The following NCKAP5 variants were observed in gnomAD, a reference collection of about 807,000 sequenced individuals.
The protein encoded by NCKAP5 is nck-associated protein 5.
In NCKAP5, 92 loss-of-function variants were observed where a neutral mutation model predicts 167.0. That is an observed-to-expected ratio of 0.55 (90% CI 0.47 to 0.66). NCKAP5 has a LOEUF of 0.66. Ranked by LOEUF, NCKAP5 falls within the 30% of genes least tolerant of loss-of-function variation. The pLI is 0.00. For synonymous variants in NCKAP5, 891 were observed against 877.4 expected, an observed-to-expected ratio of 1.02 and a Z score of -0.27; for missense variants, 2,378 against 2,315.0, an observed-to-expected ratio of 1.03 and a Z score of -0.56.
chr2:132,793,296 C>T (rs1361642946), intron 12 of NCKAP5, among the ~76,000 whole-genome samples: 4 of 152,166 alleles, frequency 2.6e-5, no homozygotes, highest in African/African-American at 9.7e-5. Context: ...GTGTGAGCCA[C>T]CGTGCCCAGC....
intron 3 of NCKAP5, among the ~76,000 whole-genome samples, chr2:133,343,606 A>G (rs1450010044): frequency 6.6e-6 from 1 of 152,198 alleles, no homozygotes; most frequent in East Asian, 1.9e-4. Context: ...GCATCCATCC[A>G]TCCATTCAAC....
the NCKAP5 span, among the ~76,000 whole-genome samples, chr2:133,633,471 A>G: frequency 6.6e-6 from 1 of 152,206 alleles, no homozygotes; most frequent in African/African-American, 2.4e-5. Context: ...CGGAAGAGTC[A>G]AGAATGCCAG....
intron 3 of NCKAP5, among the ~76,000 whole-genome samples, chr2:133,467,271 G>T (rs1325644707): frequency 4.0e-5 from 6 of 150,932 alleles, no homozygotes; most frequent in Non-Finnish European, 3.0e-5. Flanking sequence ...AGATAATCAT[G>T]TGGTTTTTGT....
chr2:132,971,615 G>A (rs1321080473), intron 7 of NCKAP5, among the ~76,000 whole-genome samples: 2 of 152,170 alleles, frequency 1.3e-5, no homozygotes. Flanking sequence ...TAGGCTATGC[G>A]GGAGTTGAAG....
intron 9 of NCKAP5, among the ~76,000 whole-genome samples, chr2:132,870,169 T>C (rs1690693617): frequency 6.6e-6 from 1 of 152,166 alleles, no homozygotes; most frequent in Admixed American, 6.5e-5. Context: ...ACCTGGCATT[T>C]TCTCCAGGTA....
At chr2:132,824,840 T>G (rs998568327) in intron 11 of NCKAP5, among the ~76,000 whole-genome samples, 7 of 152,134 alleles carry the variant, frequency 4.6e-5, no homozygotes, top group Non-Finnish European at 1.0e-4. Context: ...GTCTCCTGAG[T>G]GTTTAACATG....
chr2:133,417,838 C>T (rs184439983), intron 3 of NCKAP5, among the ~76,000 whole-genome samples: 4 of 152,060 alleles, frequency 2.6e-5, no homozygotes, highest in Admixed American at 6.6e-5. Flanking sequence ...ACCAGCTGTC[C>T]GACATTTTGA....
At chr2:133,418,106 G>C (rs1689236524) in intron 3 of NCKAP5, among the ~76,000 whole-genome samples, 1 of 152,180 alleles carries the variant, frequency 6.6e-6, no homozygotes, top group South Asian at 2.1e-4. Context: ...TATGATTTAA[G>C]CCTTTGCAAA....
chr2:132,880,317 C>T (rs1054543468), intron 8 of NCKAP5, among the ~76,000 whole-genome samples: 1 of 152,088 alleles, frequency 6.6e-6, no homozygotes, highest in African/African-American at 2.4e-5. Flanking sequence ...GAAGAGAGAA[C>T]ATGAAGTGTT....
the NCKAP5 span, among the ~76,000 whole-genome samples, chr2:133,655,519 C>T: frequency 6.6e-6 from 1 of 152,130 alleles, no homozygotes; most frequent in Non-Finnish European, 1.5e-5. Context: ...CACTGAGATC[C>T]AGTACAGGTC....
chr2:132,867,377 A>G (rs1273916164), intron 10 of NCKAP5, among the ~76,000 whole-genome samples: 1 of 152,224 alleles, frequency 6.6e-6, no homozygotes, highest in Non-Finnish European at 1.5e-5. Context: ...ATGTTGAAGC[A>G]GCAATTATAA....
chr2:132,750,112 A>G (rs1679993252), intron 16 of NCKAP5, among the ~76,000 whole-genome samples: 1 of 152,218 alleles, frequency 6.6e-6, no homozygotes, highest in South Asian at 2.1e-4. Context: ...AGGGTGCATT[A>G]TCTTGATTTC....
chr2:133,664,150 G>C, the NCKAP5 span, among the ~76,000 whole-genome samples: 1 of 127,950 alleles, frequency 7.8e-6, no homozygotes, highest in Non-Finnish European at 1.6e-5. Flanking sequence ...GCAATATTTT[G>C]AAAGTAATCT....
chr2:133,546,617 C>A (rs564727972), intron 2 of NCKAP5, among the ~76,000 whole-genome samples: 10 of 152,122 alleles, frequency 6.6e-5, no homozygotes, highest in Non-Finnish European at 1.2e-4. Context: ...GGGATGCCCC[C>A]ACCCTGTGCC....
chr2:133,138,915 C>T (rs190696837), intron 5 of NCKAP5, among the ~76,000 whole-genome samples: 12 of 152,270 alleles, frequency 7.9e-5, no homozygotes, highest in East Asian at 7.7e-4. Flanking sequence ...TGTGCAGATA[C>T]GCCACAGTGA....
chr2:133,203,576 G>A (rs989376329), intron 5 of NCKAP5, among the ~76,000 whole-genome samples: 2 of 152,060 alleles, frequency 1.3e-5, no homozygotes, highest in South Asian at 2.1e-4. Context: ...TAAAATTCTT[G>A]CCTTATTTGA....
At chr2:133,259,233 C>G (rs183320634) in intron 4 of NCKAP5, among the ~76,000 whole-genome samples, 1 of 152,338 alleles carries the variant, frequency 6.6e-6, no homozygotes, top group Non-Finnish European at 1.5e-5. Context: ...TCCAATCTCC[C>G]ATTCCACTGA....
chr2:133,060,521 A>C (rs1040297310), intron 6 of NCKAP5, among the ~76,000 whole-genome samples: 2 of 152,212 alleles, frequency 1.3e-5, no homozygotes. Context: ...GATTGATCAA[A>C]ATATAAGAGG....
Position 133,547,253 on chromosome 2 carries a change from A to G in NCKAP5, c.-62+11797T>C, listed in dbSNP as rs553801841. On this transcript the variant is annotated intron_variant, in intron 2 of 19. Transcript: ENST00000409261. ...CGCCCACGGAGTCTCGCTGACTGCT[A>G]GCACAGCAGTCTGAGATCAAACTGC... Among the ~76,000 whole-genome samples, 199 of 152,290 alleles carry G rather than the reference A, an allele frequency of 1.3e-3. 1 individual carries two copies. Among genetic ancestry groups the G allele is most frequent in the African/African-American group, 4.2e-3 (176 of 41,574 alleles).
Sources: gnomAD v4.1 joint callset for allele counts (sites outside exome capture counted in the v4.1 genomes callset) on GRCh38, gnomAD v4.1.1 for gene constraint, MANE v1.5 for transcripts, NCBI Gene and HGNC (gene_info 2026-07-23, HGNC 2026-07-21) for gene names.